The following LHFPL6 variants were observed in gnomAD, a reference collection of about 807,000 sequenced individuals.
LHFPL6 encodes the protein LHFPL tetraspan subfamily member 6 protein.
A neutral mutation model predicts 20.6 loss-of-function variants in LHFPL6; 9 were observed. That is an observed-to-expected ratio of 0.44 (90% CI 0.26 to 0.76). The LOEUF is 0.76. Among genes scored for constraint, LHFPL6 ranks in the 30% least tolerant of loss-of-function variants. The probability of loss-of-function intolerance (pLI) is 0.20; values close to 1 mark genes in which losing one functional copy is unlikely to be tolerated. For missense variants in LHFPL6, 218 were observed against 253.5 expected, an observed-to-expected ratio of 0.86 and a Z score of 0.95; for synonymous variants, 105 against 98.7, an observed-to-expected ratio of 1.06 and a Z score of -0.38.
intron 2 of LHFPL6, among the ~76,000 whole-genome samples, chr13:39,462,375 T>A (rs1872708524): frequency 6.6e-6 from 1 of 152,174 alleles, no homozygotes; most frequent in African/African-American, 2.4e-5. Context: ...TTTGCTTTGG[T>A]TGCTTTTAAA....
chr13:39,448,213 G>A (rs968780052), intron 2 of LHFPL6, among the ~76,000 whole-genome samples: 1 of 152,184 alleles, frequency 6.6e-6, no homozygotes, highest in African/African-American at 2.4e-5. Context: ...GACTCAGTTT[G>A]ATAGCACTGT....
chr13:39,554,089 T>C (rs1871226753), intron 2 of LHFPL6, among the ~76,000 whole-genome samples: 1 of 152,240 alleles, frequency 6.6e-6, no homozygotes, highest in Admixed American at 6.5e-5. Context: ...ACTTTCTTTT[T>C]AACTCTCCTT....
chr13:39,400,221 C>A (rs1870950439), intron 2 of LHFPL6, among the ~76,000 whole-genome samples: 1 of 152,174 alleles, frequency 6.6e-6, no homozygotes, highest in Non-Finnish European at 1.5e-5. Flanking sequence ...TGCACCTCAG[C>A]ATACCTTCAC....
At chr13:39,576,418 T>C (rs1475088624) in intron 2 of LHFPL6, among the ~76,000 whole-genome samples, 4 of 152,332 alleles carry the variant, frequency 2.6e-5, no homozygotes, top group East Asian at 1.9e-4. Flanking sequence ...TAGTATTAAA[T>C]AGCTGTTCTC....
At chr13:39,431,718 G>C (rs1406889779) in intron 2 of LHFPL6, among the ~76,000 whole-genome samples, 1 of 34,098 alleles carries the variant, frequency 2.9e-5, no homozygotes, top group Non-Finnish European at 5.8e-5. Flanking sequence ...TAGAATTTGT[G>C]GGGGGGGGGG....
At chr13:39,518,477 T>C (rs759813245) in intron 2 of LHFPL6, among the ~76,000 whole-genome samples, 9 of 152,250 alleles carry the variant, frequency 5.9e-5, no homozygotes, top group Non-Finnish European at 1.3e-4. Context: ...GAGACTCTAT[T>C]TGAAATAGCC....
At chr13:39,442,737 G>T (rs1027490486) in intron 2 of LHFPL6, among the ~76,000 whole-genome samples, 1 of 151,898 alleles carries the variant, frequency 6.6e-6, no homozygotes, top group Non-Finnish European at 1.5e-5. Context: ...TTTTTGCCTT[G>T]TCTTTGTTCT....
intron 2 of LHFPL6, among the ~76,000 whole-genome samples, chr13:39,547,182 T>C (rs765438592): frequency 6.6e-6 from 1 of 152,112 alleles, no homozygotes; most frequent in Non-Finnish European, 1.5e-5. Context: ...TAGTTCTAAT[T>C]TTAATTTATT....
In LHFPL6 at chr13:39,343,612, TG is replaced by T. The variant is rs2138330021; in HGVS notation, c.*323del. On this transcript the variant is annotated 3_prime_UTR_variant, in exon 4 of 4. Coordinates refer to ENST00000379589, the MANE Select transcript of LHFPL6 (RefSeq NM_005780.3). Reference sequence around the variant, plus strand: ...TGTATATGTAGATTTGTTGTGTGTGTGTGTGTGTGTGTGTGTGTGTGTGTGT... The same window carrying T: ...TGTATATGTAGATTTGTTGTGTGTGTTGTGTGTGTGTGTGTGTGTGTGTGT... 1.4e-5 allele frequency: 3 copies of T among 216,014 alleles called. No homozygotes were observed. The highest frequency in any genetic ancestry group is 2.5e-5 in the Non-Finnish European group (3 of 121,366). 13.4% of individuals were successfully genotyped at this position (216,014 alleles called of 1,614,324 possible). A position where few individuals can be genotyped will look rare whatever the true frequency, so the allele number is the denominator to read the frequency against.
At chr13:39,541,619 A>C (rs1870801215) in intron 2 of LHFPL6, among the ~76,000 whole-genome samples, 1 of 151,516 alleles carries the variant, frequency 6.6e-6, no homozygotes, top group African/African-American at 2.4e-5. Flanking sequence ...GTCTCTATTC[A>C]CTCTCACTGA....
intron 1 of LHFPL6, among the ~76,000 whole-genome samples, chr13:39,601,753 C>T (rs1872955917): frequency 6.6e-6 from 1 of 152,146 alleles, no homozygotes; most frequent in African/African-American, 2.4e-5. Flanking sequence ...TGAACCATGC[C>T]ATGATTTCCA....
rs189189779 is a variant in LHFPL6, at chr13:39,402,881, G to C, written c.386-24355C>G. Reference sequence around the variant, plus strand: ...ACACAGATTTTAAAATCCCTGCCTTGTCTTTTGAACTGGCTGTGGGAAAGT... The same window carrying C: ...ACACAGATTTTAAAATCCCTGCCTTCTCTTTTGAACTGGCTGTGGGAAAGT... On this transcript the variant is annotated intron_variant, in intron 2 of 3. Coordinates refer to ENST00000379589, the MANE Select transcript of LHFPL6 (RefSeq NM_005780.3). 1.6e-3 allele frequency among the ~76,000 whole-genome samples: 248 copies of C among 152,274 alleles called. 2 individuals carry two copies. Among genetic ancestry groups the C allele is most frequent in the Non-Finnish European group, 2.9e-3 (194 of 68,016 alleles).
chr13:39,420,634 A>AG (rs1355054191), intron 2 of LHFPL6, among the ~76,000 whole-genome samples: 2 of 152,168 alleles, frequency 1.3e-5, no homozygotes, highest in Non-Finnish European at 2.9e-5. Context: ...GGGAAGAAGG[A>AG]GGTGAACTTG....
chr13:39,516,482 G>A (rs1038238934), intron 2 of LHFPL6, among the ~76,000 whole-genome samples: 8 of 152,188 alleles, frequency 5.3e-5, no homozygotes, highest in African/African-American at 1.2e-4. Flanking sequence ...TATGTTTCTC[G>A]TTTTCAGATA....
chr13:39,546,702 G>A (rs1870993054), intron 2 of LHFPL6, among the ~76,000 whole-genome samples: 1 of 152,004 alleles, frequency 6.6e-6, no homozygotes. Flanking sequence ...CCTCACTTAT[G>A]GCAGCCAATC....
At chr13:39,479,912 A>C (rs1360810019) in intron 2 of LHFPL6, among the ~76,000 whole-genome samples, 1 of 152,210 alleles carries the variant, frequency 6.6e-6, no homozygotes, top group African/African-American at 2.4e-5. Flanking sequence ...TGTACCCCCG[A>C]ACAGCCAAGA....
chr13:39,360,724 A>G lies in LHFPL6; in HGVS notation c.485-16670T>C, dbSNP rs1440933938. Among the ~76,000 whole-genome samples the G allele has an allele frequency of 4.5e-5, 4 of 89,182 alleles. 2 individuals are homozygous for G. Among genetic ancestry groups the G allele is most frequent in the Non-Finnish European group, 1.0e-4 (4 of 38,214 alleles). The allele number at this position is 89,182 out of a possible 152,430, so 58.5% of individuals were successfully genotyped here. ...TCAAACGCTAAGCTCAAATAGGAGC[A>G]CATGTTAGATGGGCCTCAGATTGTA... is the stretch of plus-strand genomic sequence containing the variant. On this transcript the variant is annotated intron_variant, in intron 3 of 3. Transcript: ENST00000379589.
chr13:39,417,288 C>T (rs1871373162), intron 2 of LHFPL6, among the ~76,000 whole-genome samples: 1 of 152,202 alleles, frequency 6.6e-6, no homozygotes, highest in Non-Finnish European at 1.5e-5. Flanking sequence ...GTGTGAAGCC[C>T]TCAACTGCTC....
At chr13:39,426,238 G>A (rs1478781088) in intron 2 of LHFPL6, among the ~76,000 whole-genome samples, 4 of 98,502 alleles carry the variant, frequency 4.1e-5, no homozygotes, top group Non-Finnish European at 8.4e-5. Flanking sequence ...TTTTTTTTTT[G>A]AGATGGAGTT....
Sources: allele counts gnomAD v4.1 joint callset (sites outside exome capture counted in the v4.1 genomes callset), GRCh38; gene constraint gnomAD v4.1.1; transcripts MANE v1.5; gene names NCBI Gene and HGNC (gene_info 2026-07-23, HGNC 2026-07-21).